The following CDC42EP3 variants were observed in gnomAD, a reference collection of about 807,000 sequenced individuals.
The protein encoded by CDC42EP3 is CDC42 effector protein 3.
In CDC42EP3, 4 loss-of-function variants were observed where a neutral mutation model predicts 15.5. The observed-to-expected ratio is 0.26, with a 90% CI of 0.13 to 0.59. The LOEUF is 0.59. CDC42EP3 is among the 20% of genes least tolerant of loss of function. The pLI is 0.89. For missense variants in CDC42EP3, 309 were observed against 311.2 expected (o/e 0.99, Z 0.05); for synonymous variants, 145 against 130.3 (o/e 1.11, Z -0.77).
chr2:37,671,802 GGT>G (rs1666435050), upstream of CDC42EP3: 1 of 69,626 alleles, frequency 1.4e-5, no homozygotes, highest in Non-Finnish European at 3.0e-5. Flanking sequence ...GGGGCCAACC[GGT>G]GGCCGGGCGC....
intron 1 of CDC42EP3, 81 bp downstream of exon 1, chr2:37,671,345 C>T (rs988505917): frequency 6.6e-6 from 1 of 152,372 alleles, no homozygotes; most frequent in African/African-American, 2.4e-5. Context: ...CACCAGCGCA[C>T]GCCGGAAGCG....
chr2:37,649,790 G>T (rs1240838165), intron 1 of CDC42EP3, among the ~76,000 whole-genome samples: 1 of 152,146 alleles, frequency 6.6e-6, no homozygotes, highest in Non-Finnish European at 1.5e-5. Flanking sequence ...CTTCATGTCG[G>T]TGGCATGGAG....
rs937062996 is a variant in CDC42EP3, at chr2:37,645,622, G to A, written c.*201C>T. The A allele has an allele frequency of 4.5e-6, 2 of 445,428 alleles. No individual in the cohort carries two copies. Among genetic ancestry groups the A allele is most frequent in the African/African-American group, 4.1e-5 (2 of 49,332 alleles). The allele number at this position is 445,428 out of a possible 1,614,324, so 27.6% of individuals were successfully genotyped here. On this transcript the variant is annotated 3_prime_UTR_variant, in exon 2 of 2. Coordinates refer to ENST00000295324, the MANE Select transcript of CDC42EP3 (RefSeq NM_006449.5). ...GGGCTCTGACTCACTTCCTTTTTTTGCCAAGATAGGTTTTGCTTTGTTGTT... is the reference window on the plus strand; with the variant it reads ...GGGCTCTGACTCACTTCCTTTTTTTACCAAGATAGGTTTTGCTTTGTTGTT...
At chr2:37,657,001 C>CCCACCCCCCG in intron 1 of CDC42EP3, among the ~76,000 whole-genome samples, 1 of 103,210 alleles carries the variant, frequency 9.7e-6, no homozygotes, top group Non-Finnish European at 1.8e-5. Context: ...CCCCCCGCCC[C>CCCACCCCCCG]CCGCCATCCT....
chr2:37,660,441 G>A (rs1019282895), intron 1 of CDC42EP3, among the ~76,000 whole-genome samples: 4 of 152,154 alleles, frequency 2.6e-5, no homozygotes, highest in Admixed American at 6.5e-5. Context: ...CAAATGAAAC[G>A]TCCCGGAGTT....
At chr2:37,663,970 G>T (rs13030359) in intron 1 of CDC42EP3, among the ~76,000 whole-genome samples, 17,073 of 152,094 alleles carry the variant, frequency 0.11, 1,706 homozygotes, top group African/African-American at 0.27. Flanking sequence ...ATCAGGAGAT[G>T]GAAACCATCC....
chr2:37,664,646 C>T (rs961424788), intron 1 of CDC42EP3, among the ~76,000 whole-genome samples: 1 of 152,230 alleles, frequency 6.6e-6, no homozygotes, highest in Non-Finnish European at 1.5e-5. Flanking sequence ...AAGGGCTATA[C>T]TGCCCACTTT....
intron 1 of CDC42EP3, among the ~76,000 whole-genome samples, chr2:37,665,625 A>G (rs1312675996): frequency 6.6e-6 from 1 of 152,202 alleles, no homozygotes; most frequent in Non-Finnish European, 1.5e-5. Flanking sequence ...AACTCATGAC[A>G]ACGATCTATC....
chr2:37,667,149 A>G (rs1223217353), intron 1 of CDC42EP3, among the ~76,000 whole-genome samples: 2 of 152,180 alleles, frequency 1.3e-5, no homozygotes, highest in East Asian at 3.8e-4. Context: ...CAAGGTTTCA[A>G]AGGTTTCCTT....
At chr2:37,648,974 C>T (rs762632451) in intron 1 of CDC42EP3, among the ~76,000 whole-genome samples, 13 of 151,904 alleles carry the variant, frequency 8.6e-5, no homozygotes, top group East Asian at 3.9e-4. Context: ...AAAGATACAG[C>T]GTGTCCACCA....
chr2:37,650,595 C>A (rs1665638956), intron 1 of CDC42EP3, among the ~76,000 whole-genome samples: 1 of 152,210 alleles, frequency 6.6e-6, no homozygotes, highest in Non-Finnish European at 1.5e-5. Context: ...TACTGACGAA[C>A]TGATATCCAG....
chr2:37,653,368 A>C (rs541339465), intron 1 of CDC42EP3, among the ~76,000 whole-genome samples: 1 of 152,356 alleles, frequency 6.6e-6, no homozygotes, highest in Admixed American at 6.5e-5. Flanking sequence ...GCCGGGTTGC[A>C]CTAGGCTAGA....
Position 37,646,543 on chromosome 2 carries a change from C to T in CDC42EP3, c.45G>A (p.Lys15=), listed in dbSNP as rs1200301699. The T allele has an allele frequency of 6.4e-7, 1 of 1,565,084 alleles. No homozygotes were observed. Among genetic ancestry groups the T allele is most frequent in the Non-Finnish European group, 8.6e-7 (1 of 1,158,462 alleles). Residue 15 remains lysine (K), a synonymous_variant, in exon 2 of 2, where the codon AAG becomes AAA. Coordinates refer to ENST00000295324, the MANE Select transcript of CDC42EP3 (RefSeq NM_006449.5). ...TPIYLKAANN[K]KGKKFKLRDI... ...CCCTCAGTTTAAATTTCTTTCCTTT[C>T]TTGTTATTGGCTGCTTTCAGGTAAA...
chr2:37,656,992 C>CCCCA (rs1665878034), intron 1 of CDC42EP3, among the ~76,000 whole-genome samples: 1 of 87,530 alleles, frequency 1.1e-5, no homozygotes, highest in African/African-American at 5.4e-5. Flanking sequence ...CCCCCCCCAC[C>CCCCA]CCCCGCCCCC....
chr2:37,660,406 G>A (rs1170833584), intron 1 of CDC42EP3, among the ~76,000 whole-genome samples: 1 of 152,184 alleles, frequency 6.6e-6, no homozygotes, highest in Non-Finnish European at 1.5e-5. Context: ...GTTATCTTCA[G>A]TTGGGGCTCT....
At chr2:37,669,201 T>A (rs1377883028) in intron 1 of CDC42EP3, among the ~76,000 whole-genome samples, 1 of 139,634 alleles carries the variant, frequency 7.2e-6, no homozygotes, top group African/African-American at 2.7e-5. Context: ...CAGTTAATGG[T>A]CAAAGAATTT....
Position 37,642,046 on chromosome 2 carries a change from A to G in CDC42EP3, c.*3777T>C, listed in dbSNP as rs1246135089. 1 of 152,208 alleles carries G rather than the reference A, an allele frequency of 6.6e-6. No individual in the cohort carries two copies. The highest frequency in any genetic ancestry group is 1.9e-4 in the East Asian group (1 of 5,200). The allele number at this position is 152,208 out of a possible 1,614,324, so 9.4% of individuals were successfully genotyped here. On this transcript the variant is annotated 3_prime_UTR_variant, in exon 2 of 2. Coordinates refer to ENST00000295324, the MANE Select transcript of CDC42EP3 (RefSeq NM_006449.5). Reference sequence around the variant, plus strand: ...TTTTTGCAGCATTGTACCACAGAATAATGACTCCCTAATAACTCAGCTGAA... The same window carrying G: ...TTTTTGCAGCATTGTACCACAGAATGATGACTCCCTAATAACTCAGCTGAA...
At position 37,645,440 on chromosome 2, in the gene CDC42EP3, C is replaced by T. The variant is rs148180171; in HGVS notation, c.*383G>A. On this transcript the variant is annotated 3_prime_UTR_variant, in exon 2 of 2. Transcript: ENST00000295324. ...GGTGTTAAATAAATTTTGACTTCCT[C>T]TTGCTCAGAAAATGTCGGAGTGCTA... is the stretch of plus-strand genomic sequence containing the variant. The T allele has an allele frequency of 3.5e-4, 56 of 161,388 alleles. No homozygotes were observed. The East Asian group carries it at 9.0e-3, about 26-fold the overall frequency. 10.0% of individuals were successfully genotyped at this position (161,388 alleles called of 1,614,324 possible).
chr2:37,647,026 C>T (rs1204784384), intron 1 of CDC42EP3, among the ~76,000 whole-genome samples: 1 of 152,226 alleles, frequency 6.6e-6, no homozygotes, highest in Non-Finnish European at 1.5e-5. Context: ...ATCTATGACA[C>T]CAGTACTTTT....
Sources: gnomAD v4.1 joint callset for allele counts (sites outside exome capture counted in the v4.1 genomes callset) on GRCh38, gnomAD v4.1.1 for gene constraint, MANE v1.5 for transcripts, NCBI Gene and HGNC (gene_info 2026-07-23, HGNC 2026-07-21) for gene names.